Variants in RHCE observed in about 807,000 individuals in gnomAD.
RHCE encodes the protein blood group Rh(CE) polypeptide.
A neutral mutation model predicts 43.8 loss-of-function variants in RHCE; 22 were observed. The observed-to-expected ratio is 0.50, with a 90% CI of 0.36 to 0.72. The LOEUF is 0.72. Among genes scored for constraint, RHCE ranks in the 30% least tolerant of loss-of-function variants. The probability of loss-of-function intolerance (pLI) is 0.00; values close to 1 mark genes in which losing one functional copy is unlikely to be tolerated. For missense variants in RHCE, 385 were observed against 525.4 expected (o/e 0.73, Z 2.61); for synonymous variants, 156 against 210.7 (o/e 0.74, Z 2.25).
upstream of RHCE, among the ~76,000 whole-genome samples, chr1:25,424,144 C>A (rs1393376843): frequency 6.6e-6 from 1 of 152,194 alleles, no homozygotes; most frequent in Non-Finnish European, 1.5e-5. Flanking sequence ...TTTTGCCCAA[C>A]CGTAGGCTAA....
intron 3 of RHCE, among the ~76,000 whole-genome samples, chr1:25,396,681 C>T (rs942023615): frequency 6.0e-4 from 92 of 152,268 alleles, no homozygotes; most frequent in African/African-American, 2.1e-3. Context: ...CTCCTGAAAA[C>T]CCACTCACTG....
chr1:25,415,443 G>T (rs971735321), intron 1 of RHCE, among the ~76,000 whole-genome samples: 3 of 152,130 alleles, frequency 2.0e-5, no homozygotes, highest in Non-Finnish European at 2.9e-5. Context: ...ACCTGAGGTT[G>T]GGAGTTCGAG....
At position 25,390,912 on chromosome 1, in the gene RHCE, G is replaced by A. The variant is rs1197341710; in HGVS notation, c.638C>T (p.Ala213Val). ...TGGCCAGAACATCCACAAGAAGAGG[G>A]CGCCTGGGGGCCAGAGAGGGTGGTT... ...TIPSLSAMLG[A>V]LFLWMFWPSV... The change falls in exon 5 of 10, where the codon GCC becomes GTC. Residue 213 changes from alanine (A) to valine (V), a missense_variant. Physicochemically the swap from Ala to Val is moderately conservative, Grantham distance 64. Coordinates refer to ENST00000294413, the MANE Select transcript of RHCE (RefSeq NM_020485.8). 1 of 1,614,180 alleles carries A rather than the reference G, an allele frequency of 6.2e-7. No homozygotes were observed.
chr1:25,410,635 T>C (rs900364325), intron 1 of RHCE, among the ~76,000 whole-genome samples: 1 of 151,744 alleles, frequency 6.6e-6, no homozygotes, highest in Non-Finnish European at 1.5e-5. Context: ...CCTGACCTCA[T>C]GTAATCCACC....
intron 1 of RHCE, chr1:25,411,311 T>A (rs1302373218): frequency 2.0e-5 from 31 of 1,549,974 alleles, no homozygotes; most frequent in Non-Finnish European, 2.6e-5. Flanking sequence ...ATCAACATCA[T>A]CATGACAATC....
chr1:25,417,814 C>T (rs1647688105), intron 1 of RHCE, among the ~76,000 whole-genome samples: 1 of 152,102 alleles, frequency 6.6e-6, no homozygotes, highest in Admixed American at 6.5e-5. Context: ...GGTTGAAGCC[C>T]TCGGGTCAAT....
intron 1 of RHCE, among the ~76,000 whole-genome samples, chr1:25,420,173 C>A (rs544136184): frequency 1.3e-5 from 2 of 151,960 alleles, no homozygotes; most frequent in Non-Finnish European, 1.5e-5. Flanking sequence ...CAGAGTGAGA[C>A]CCTGTCTCAA....
intron 9 of RHCE, among the ~76,000 whole-genome samples, chr1:25,369,082 A>G (rs554361274): frequency 1.3e-5 from 2 of 151,920 alleles, no homozygotes; most frequent in South Asian, 4.1e-4. Flanking sequence ...AATTGATTGT[A>G]TGCCAGTTAC....
intron 7 of RHCE, among the ~76,000 whole-genome samples, chr1:25,378,297 A>G (rs190306817): frequency 1.3e-5 from 2 of 152,242 alleles, no homozygotes; most frequent in South Asian, 4.1e-4. Context: ...ATAACTCAAC[A>G]ATTTCACTTC....
intron 1 of RHCE, among the ~76,000 whole-genome samples, chr1:25,429,712 G>A (rs1234847393): frequency 6.6e-6 from 1 of 151,670 alleles, no homozygotes; most frequent in Non-Finnish European, 1.5e-5. Flanking sequence ...TGGAAAACAA[G>A]CAAATACAAT....
At chr1:25,376,209 C>T (rs1645781826) in intron 7 of RHCE, among the ~76,000 whole-genome samples, 2 of 152,172 alleles carry the variant, frequency 1.3e-5, no homozygotes, top group African/African-American at 2.4e-5. Flanking sequence ...ACCCCTTGAA[C>T]ATACTTCCAG....
intron 1 of RHCE, among the ~76,000 whole-genome samples, chr1:25,420,363 A>G (rs1018108772): frequency 7.2e-5 from 11 of 152,144 alleles, no homozygotes; most frequent in Non-Finnish European, 1.5e-4. Flanking sequence ...TATGAAGACC[A>G]TTTGGTAGAG....
intron 6 of RHCE, among the ~76,000 whole-genome samples, chr1:25,386,817 G>A (rs572983848): frequency 3.9e-4 from 56 of 144,742 alleles, no homozygotes; most frequent in Non-Finnish European, 6.5e-4. Flanking sequence ...GCGAGACACC[G>A]TCTCAACAAC....
At chr1:25,394,191 G>T (rs183261869) in intron 3 of RHCE, among the ~76,000 whole-genome samples, 1,554 of 152,024 alleles carry the variant, frequency 0.01, 24 homozygotes, top group African/African-American at 0.036. Context: ...GTTTCACCAT[G>T]TTCCCCAGCC....
intron 6 of RHCE, among the ~76,000 whole-genome samples, chr1:25,386,471 A>C (rs1646165003): frequency 6.6e-6 from 1 of 152,200 alleles, no homozygotes; most frequent in Non-Finnish European, 1.5e-5. Flanking sequence ...AGATGTGGAC[A>C]CATATGCAAA....
chr1:25,379,672 GT>G (rs1341259262), intron 7 of RHCE, among the ~76,000 whole-genome samples: 1 of 148,224 alleles, frequency 6.7e-6, no homozygotes, highest in African/African-American at 2.5e-5. Flanking sequence ...CTCCAGCTAC[GT>G]TTATTTAATC....
intron 3 of RHCE, among the ~76,000 whole-genome samples, chr1:25,394,346 C>A (rs1646476192): frequency 1.3e-5 from 2 of 152,064 alleles, no homozygotes; most frequent in East Asian, 3.9e-4. Context: ...TGGTAAATAG[C>A]CCTCCCAGCA....
At chr1:25,373,361 T>C (rs542333562) in intron 8 of RHCE, among the ~76,000 whole-genome samples, 7 of 151,842 alleles carry the variant, frequency 4.6e-5, no homozygotes, top group Admixed American at 3.3e-4. Flanking sequence ...TCATTGCGAA[T>C]TTAAAAACAG....
At chr1:25,411,233 A>C in intron 1 of RHCE, 1 of 1,401,628 alleles carries the variant, frequency 7.1e-7, no homozygotes. Context: ...TTTCTGGGAC[A>C]TCCGAAGGAA....
Sources: gnomAD v4.1 joint callset for allele counts (sites outside exome capture counted in the v4.1 genomes callset) on GRCh38, gnomAD v4.1.1 for gene constraint, MANE v1.5 for transcripts, NCBI Gene and HGNC (gene_info 2026-07-23, HGNC 2026-07-21) for gene names.